Variants in MEGF6 observed in about 807,000 individuals in gnomAD.
MEGF6 encodes the protein multiple epidermal growth factor-like domains protein 6.
MEGF6 carries 184 observed loss-of-function variants against 207.1 expected under a neutral mutation model. That is an observed-to-expected ratio of 0.89 (90% confidence interval 0.79 to 1.00). The LOEUF is 1.00. Among genes scored for constraint, MEGF6 ranks in the 50% least tolerant of loss-of-function variants. MEGF6 has a pLI of 0.00. For missense variants in MEGF6, 2,282 were observed against 2,202.9 expected (o/e 1.04, Z -0.72); for synonymous variants, 1,038 against 910.0 (o/e 1.14, Z -2.53).
At chr1:3,562,258 GTCTCTGTCTTTT>G (rs1349064696) in intron 4 of MEGF6, among the ~76,000 whole-genome samples, 1 of 151,948 alleles carries the variant, frequency 6.6e-6, no homozygotes, top group Non-Finnish European at 1.5e-5. Flanking sequence ...ATGTCTCTTT[GTCTCTGTCTTTT>G]TCTCTGTCTC....
intron 4 of MEGF6, among the ~76,000 whole-genome samples, chr1:3,532,896 G>A (rs1324577218): frequency 6.6e-6 from 1 of 152,198 alleles, no homozygotes; most frequent in Admixed American, 6.5e-5. Flanking sequence ...TGCAGGGGAG[G>A]GCTACTGTCC....
chr1:3,497,400 G>T, intron 26 of MEGF6, 39 bp from the exon 27 acceptor site: 1 of 1,488,646 alleles, frequency 6.7e-7, no homozygotes, highest in Non-Finnish European at 8.9e-7. Context: ...TCTAGGAGGG[G>T]CCCGTGGGGA....
At position 3,556,979 on chromosome 1, in the gene MEGF6, T is replaced by G. The variant is rs1397871955; in HGVS notation, c.481+22846A>C. On this transcript the variant is annotated intron_variant, in intron 4 of 36. Transcript: ENST00000356575. This position sits in a 1 kb window ranked among gnomAD's most constrained non-coding sequence, Gnocchi z 4.4. ...GGGCCTGGTGGAATCACATGGAGTT[T>G]CATGGGTGCTGGGGATGCGGGGAAG... is the stretch of plus-strand genomic sequence containing the variant. Among the ~76,000 whole-genome samples, 1 of 152,106 alleles carries G rather than the reference T, an allele frequency of 6.6e-6. No homozygotes were observed. The highest frequency in any genetic ancestry group is 2.4e-5 in the African/African-American group (1 of 41,426).
At chr1:3,508,976 T>G in intron 12 of MEGF6, 99 bp downstream of exon 12, 2 of 1,340,156 alleles carry the variant, frequency 1.5e-6, no homozygotes, top group Non-Finnish European at 2.0e-6. Context: ...GGGTCCTTCC[T>G]CACGTCCCCA....
rs1640476284 is a variant in MEGF6 at position 3,493,790 on chromosome 1, T to C, written c.4368A>G (p.Ser1456=). The change falls in exon 34 of 37, where the codon TCA becomes TCG. Residue 1456 remains serine (S), a synonymous_variant. Coordinates refer to ENST00000356575, the MANE Select transcript of MEGF6 (RefSeq NM_001409.4). ...ACTCACCCAGGTTACAGGTGGCTCCTGAGCGCCCTGGTGGGCAAAGGCAGA... is the reference window on the plus strand; with the variant it reads ...ACTCACCCAGGTTACAGGTGGCTCCCGAGCGCCCTGGTGGGCAAAGGCAGA... ...TGLCLCPPGR[S]GATCNLDCRR... is the part of the protein sequence containing the mutation. 1 of 1,611,926 alleles carries C rather than the reference T, an allele frequency of 6.2e-7. No homozygotes were observed. The highest frequency in any genetic ancestry group is 8.5e-7 in the Non-Finnish European group (1 of 1,179,590).
chr1:3,620,082 G>A, the MEGF6 span, among the ~76,000 whole-genome samples: 27 of 152,306 alleles, frequency 1.8e-4, no homozygotes, highest in African/African-American at 6.0e-4. Context: ...AGAGATCCGT[G>A]GAACTTTGAA....
chr1:3,509,190 C>G lies in MEGF6; in HGVS notation c.1413G>C (p.Leu471=). 6.4e-7 allele frequency: 1 copy of G among 1,574,060 alleles called. No individual in the cohort carries two copies. The highest frequency in any genetic ancestry group is 8.6e-7 in the Non-Finnish European group (1 of 1,160,522). Residue 471 remains leucine (L), a synonymous_variant, in exon 12 of 37, where the codon CTG becomes CTC. Transcript: ENST00000356575. The part of the protein sequence containing the change: ...LDGELPFVRP[L]PHIAVLQDEL... ...CGTCCTGGAGCACGGCAATGTGGGG[C>G]AGGGGCCGCACGAAAGGCAGCTCGC...
chr1:3,505,011 C>T (rs1051185332), intron 17 of MEGF6, among the ~76,000 whole-genome samples, 197 bp downstream of exon 17: 1 of 152,118 alleles, frequency 6.6e-6, no homozygotes, highest in Non-Finnish European at 1.5e-5. Flanking sequence ...GACTAGCAGC[C>T]GCACCACTGC....
At chr1:3,581,574 G>C (rs1338454389) in intron 3 of MEGF6, among the ~76,000 whole-genome samples, 1 of 152,216 alleles carries the variant, frequency 6.6e-6, no homozygotes, top group Non-Finnish European at 1.5e-5. Context: ...CTGCTGACTT[G>C]TGCAACTGCA....
intron 1 of MEGF6, among the ~76,000 whole-genome samples, chr1:3,607,320 A>G (rs547949021): frequency 2.6e-5 from 4 of 151,980 alleles, no homozygotes; most frequent in Admixed American, 1.3e-4. Flanking sequence ...TGTCTCCCCA[A>G]TAACTCCTCC....
At chr1:3,520,837 A>G (rs1351986345) in intron 5 of MEGF6, among the ~76,000 whole-genome samples, 1 of 152,190 alleles carries the variant, frequency 6.6e-6, no homozygotes, top group Non-Finnish European at 1.5e-5. Context: ...AGACAAGTTC[A>G]AGTACGTTTC....
At position 3,495,913 on chromosome 1, in the gene MEGF6, C is replaced by T. The variant is rs1448818055; in HGVS notation, c.3848G>A (p.Arg1283Lys). 6.3e-7 allele frequency: 1 copy of T among 1,598,000 alleles called. No individual in the cohort carries two copies. The highest frequency in any genetic ancestry group is 2.2e-5 in the East Asian group (1 of 44,810). The change falls in exon 30 of 37, where the codon AGA (arginine) becomes AAA (lysine). Residue 1283 changes from arginine (R) to lysine (K), a missense_variant. Physicochemically the swap from Arg to Lys is conservative, Grantham distance 26. Coordinates refer to ENST00000356575, the MANE Select transcript of MEGF6 (RefSeq NM_001409.4). ...VTGTCLCPPGRAGVRCERGCP... is the reference protein window; with the variant it reads ...VTGTCLCPPGKAGVRCERGCP... ...ACCTCGCTCACAGCGGACGCCGGCT[C>T]TCCCCGGGGGGCAGAGGCAGGTGCC...
At chr1:3,496,836 C>A in intron 28 of MEGF6, 53 bp from the exon 29 acceptor site, 1 of 1,536,756 alleles carries the variant, frequency 6.5e-7, no homozygotes, top group South Asian at 1.2e-5. Context: ...TTCCCCAGTG[C>A]CCCTGAACAC....
At chr1:3,618,700 G>C in the MEGF6 span, among the ~76,000 whole-genome samples, 1 of 152,178 alleles carries the variant, frequency 6.6e-6, no homozygotes, top group Non-Finnish European at 1.5e-5. The surrounding 1 kb of genome is among the most constrained non-coding windows in gnomAD (Gnocchi z 4.7). Context: ...GACACCACCT[G>C]AGCGCTCACG....
rs1344679670 is a variant in MEGF6 at position 3,509,165 on chromosome 1, C to T, written c.1438G>A (p.Glu480Lys). Reference protein sequence around the residue: ...PLPHIAVLQDELPQLFQDDDV... With the variant: ...PLPHIAVLQDKLPQLFQDDDV... The stretch of plus-strand genomic sequence containing the variant: ...TCATCCTGGAAGAGTTGCGGCAGCT[C>T]GTCCTGGAGCACGGCAATGTGGGGC... The change falls in exon 12 of 37, where the codon GAG (glutamate) becomes AAG (lysine). Residue 480 changes from glutamate (E) to lysine (K), a missense_variant. By Grantham distance (56) the Glu-to-Lys change is moderately conservative. Coordinates refer to ENST00000356575, the MANE Select transcript of MEGF6 (RefSeq NM_001409.4). 8 of 1,582,134 alleles carry T rather than the reference C, an allele frequency of 5.1e-6. No individual in the cohort carries two copies. The highest frequency in any genetic ancestry group is 6.0e-6 in the Non-Finnish European group (7 of 1,164,852).
At chr1:3,523,859 C>A (rs112945368) in intron 5 of MEGF6, among the ~76,000 whole-genome samples, 6 of 152,236 alleles carry the variant, frequency 3.9e-5, no homozygotes, top group Non-Finnish European at 8.8e-5. Context: ...AGCATCACAG[C>A]GGGGCTTAGT....
intron 4 of MEGF6, among the ~76,000 whole-genome samples, chr1:3,536,718 T>C (rs901799492): frequency 6.6e-6 from 1 of 152,180 alleles, no homozygotes; most frequent in Non-Finnish European, 1.5e-5. Flanking sequence ...AGCGGCTGGC[T>C]CCAGCTTCTC....
At chr1:3,590,134 G>A (rs560195705) in intron 3 of MEGF6, among the ~76,000 whole-genome samples, 60 of 152,344 alleles carry the variant, frequency 3.9e-4, no homozygotes, top group African/African-American at 1.4e-3. Flanking sequence ...GGGGGCTGCA[G>A]GCAGGGTATT....
At chr1:3,600,893 G>A (rs1001677413) in intron 2 of MEGF6, among the ~76,000 whole-genome samples, 78 of 152,316 alleles carry the variant, frequency 5.1e-4, no homozygotes, top group Non-Finnish European at 2.5e-4. Context: ...CAGGGTCCTC[G>A]GAGGTGGACC....
Sources: gnomAD v4.1 joint callset for allele counts (sites outside exome capture counted in the v4.1 genomes callset) on GRCh38, gnomAD v4.1.1 for gene constraint, Gnocchi (gnomAD v3.1) non-coding constraint, MANE v1.5 for transcripts, NCBI Gene and HGNC (gene_info 2026-07-23, HGNC 2026-07-21) for gene names.